VEGFC: variants seen among roughly 807,000 people sequenced by gnomAD.
The protein encoded by VEGFC is FLT4 ligand DHM.
Under a neutral mutation model 46.1 loss-of-function variants are expected in VEGFC, and 12 were observed. The observed-to-expected ratio is 0.26, with a 90% CI of 0.17 to 0.42. The LOEUF is 0.42. Among genes scored for constraint, VEGFC ranks in the 10% least tolerant of loss-of-function variants. The pLI is 1.00. For synonymous variants in VEGFC, 232 were observed against 195.5 expected (o/e 1.19, Z -1.56); for missense variants, 488 against 529.4 (o/e 0.92, Z 0.77).
chr4:176,732,471 C>T (rs1734984562), intron 1 of VEGFC, among the ~76,000 whole-genome samples: 1 of 151,668 alleles, frequency 6.6e-6, no homozygotes, highest in Non-Finnish European at 1.5e-5. Context: ...GTTTGAGGAA[C>T]CTGAGTAGAA....
At position 176,735,351 on chromosome 4, in the gene VEGFC, G is replaced by A. The variant is rs182786646; in HGVS notation, c.148-5605C>T. 4.1e-4 allele frequency among the ~76,000 whole-genome samples: 63 copies of A among 151,976 alleles called. 1 individual carries two copies. Among genetic ancestry groups the A allele is most frequent in the African/African-American group, 1.3e-3 (55 of 41,512 alleles). ...ATTATTTCATCAGGGTAATGTTAGT[G>A]ATTGTGTATTTTTATTTTAACAATT... On this transcript the variant is annotated intron_variant, in intron 1 of 6. Transcript: ENST00000618562.
chr4:176,791,563 C>A (rs1736093294), intron 1 of VEGFC, among the ~76,000 whole-genome samples: 1 of 62,038 alleles, frequency 1.6e-5, no homozygotes, highest in Non-Finnish European at 6.8e-5. Flanking sequence ...TTGAAACAAG[C>A]CTTGCATTGC....
intron 3 of VEGFC, among the ~76,000 whole-genome samples, chr4:176,717,336 T>C (rs929678334): frequency 5.9e-5 from 9 of 152,120 alleles, no homozygotes; most frequent in Admixed American, 2.0e-4. Flanking sequence ...CAAGAGGAAA[T>C]GGCAAGTGTT....
chr4:176,747,716 C>A (rs964548161), intron 1 of VEGFC, among the ~76,000 whole-genome samples: 1 of 152,048 alleles, frequency 6.6e-6, no homozygotes, highest in Non-Finnish European at 1.5e-5. Context: ...ATCCCTTGAG[C>A]CCAGGTTCAA....
intron 1 of VEGFC, among the ~76,000 whole-genome samples, chr4:176,770,201 T>C (rs1484157644): frequency 6.6e-6 from 1 of 152,178 alleles, no homozygotes; most frequent in Non-Finnish European, 1.5e-5. Context: ...AAAAGCTACA[T>C]TAGTAAAAAC....
intron 1 of VEGFC, among the ~76,000 whole-genome samples, chr4:176,769,614 A>G (rs6816640): frequency 0.71 from 107,312 of 152,174 alleles, 43,767 homozygotes; most frequent in East Asian, 0.93. Flanking sequence ...GAACCACGAA[A>G]GCATGAACAT....
chr4:176,775,375 T>C (rs1034388556), intron 1 of VEGFC, among the ~76,000 whole-genome samples: 2 of 152,222 alleles, frequency 1.3e-5, no homozygotes, highest in African/African-American at 4.8e-5. Context: ...CCCAAAACCT[T>C]AACTTGAAAC....
intron 4 of VEGFC, among the ~76,000 whole-genome samples, chr4:176,704,155 T>C (rs1734482359): frequency 6.6e-6 from 1 of 152,140 alleles, no homozygotes; most frequent in South Asian, 2.1e-4. Flanking sequence ...TCTGTTGTTA[T>C]TCCGATTGTT....
At chr4:176,748,845 T>G (rs563961941) in intron 1 of VEGFC, among the ~76,000 whole-genome samples, 1 of 152,046 alleles carries the variant, frequency 6.6e-6, no homozygotes, top group Non-Finnish European at 1.5e-5. Context: ...AGTCATATAC[T>G]TTTACAAAAT....
rs1579137248 is a variant in VEGFC, at chr4:176,775,463, C to G, written c.147+16702G>C. Among the ~76,000 whole-genome samples, 3 of 152,242 alleles carry G rather than the reference C, an allele frequency of 2.0e-5. 1 individual carries two copies. The highest frequency in any genetic ancestry group is 4.4e-5 in the Non-Finnish European group (3 of 68,004). ...TGTTTCTTAGGATAACTCTATATGT[C>G]AGCCAATCACATTTTTTGAATCACC... On this transcript the variant is annotated intron_variant, in intron 1 of 6. Coordinates refer to ENST00000618562, the MANE Select transcript of VEGFC (RefSeq NM_005429.5).
At chr4:176,710,148 G>T (rs1734597261) in intron 4 of VEGFC, among the ~76,000 whole-genome samples, 1 of 152,140 alleles carries the variant, frequency 6.6e-6, no homozygotes, top group South Asian at 2.1e-4. Context: ...ATAGAAGATA[G>T]ATTTAGATAA....
At chr4:176,732,717 ACT>A (rs1734988359) in intron 1 of VEGFC, among the ~76,000 whole-genome samples, 2 of 151,520 alleles carry the variant, frequency 1.3e-5, no homozygotes, top group Admixed American at 6.6e-5. Context: ...AAAAAAAAAA[ACT>A]CTTCAGAGAG....
intron 1 of VEGFC, among the ~76,000 whole-genome samples, chr4:176,789,684 A>G (rs1193687681): frequency 6.6e-6 from 1 of 152,196 alleles, no homozygotes; most frequent in East Asian, 1.9e-4. Context: ...ACATTTTAAG[A>G]CTTTTCAGTA....
At chr4:176,688,509 AAT>A (rs1734087772) in intron 4 of VEGFC, among the ~76,000 whole-genome samples, 1 of 152,084 alleles carries the variant, frequency 6.6e-6, no homozygotes, top group Non-Finnish European at 1.5e-5. Context: ...AGAAATGCAA[AAT>A]TTCCACTCTG....
rs1273388419 is a variant in VEGFC at position 176,726,158 on chromosome 4, G to A, written c.552+1620C>T. Among the ~76,000 whole-genome samples, 4 of 152,106 alleles carry A rather than the reference G, an allele frequency of 2.6e-5. No homozygotes were observed. The East Asian group carries it at 5.8e-4, about 22-fold the overall frequency. The stretch of plus-strand genomic sequence containing the variant: ...TGTCCAATAGTATAATTATATGTTA[G>A]TCTATCAAAAATATTATAATTTTGG... On this transcript the variant is annotated intron_variant, in intron 3 of 6. Transcript: ENST00000618562.
intron 4 of VEGFC, chr4:176,705,790 G>A (rs568082516): frequency 4.6e-5 from 7 of 152,194 alleles, no homozygotes; most frequent in East Asian, 1.9e-4. Flanking sequence ...CATGGCTATG[G>A]TATGTCAAAT....
chr4:176,697,108 G>A (rs1186492037), intron 4 of VEGFC, among the ~76,000 whole-genome samples: 1 of 151,842 alleles, frequency 6.6e-6, no homozygotes, highest in Non-Finnish European at 1.5e-5. Context: ...CAAAAGCAAT[G>A]GCAACAAAAG....
At chr4:176,721,335 G>C (rs186973409) in intron 3 of VEGFC, among the ~76,000 whole-genome samples, 34 of 152,242 alleles carry the variant, frequency 2.2e-4, no homozygotes, top group Non-Finnish European at 4.1e-4. Context: ...GAAAAGATAA[G>C]CTTATCACCA....
chr4:176,763,854 C>CT (rs201815867), intron 1 of VEGFC, among the ~76,000 whole-genome samples: 20 of 151,078 alleles, frequency 1.3e-4, no homozygotes, highest in East Asian at 1.9e-4. Context: ...AAAAAAAGGT[C>CT]TTTTTTTTTC....
Sources: allele counts gnomAD v4.1 joint callset (sites outside exome capture counted in the v4.1 genomes callset), GRCh38; gene constraint gnomAD v4.1.1; transcripts MANE v1.5; gene names NCBI Gene and HGNC (gene_info 2026-07-23, HGNC 2026-07-21).